TBC1D2: variants seen among roughly 807,000 people sequenced by gnomAD.
The protein encoded by TBC1D2 is TBC1 domain family member 2A.
TBC1D2 carries 58 observed loss-of-function variants against 91.1 expected under a neutral mutation model. The ratio of observed to expected loss-of-function variants is 0.64; its 90% CI spans 0.52 to 0.79. The LOEUF is 0.79. TBC1D2 is among the 30% of genes least tolerant of loss of function. The pLI is 0.00. For synonymous variants in TBC1D2, 482 were observed against 511.5 expected, an observed-to-expected ratio of 0.94 and a Z score of 0.78; for missense variants, 1,080 against 1,208.3, an observed-to-expected ratio of 0.89 and a Z score of 1.57.
At chr9:98,214,530 T>A (rs113220338) in intron 6 of TBC1D2, among the ~76,000 whole-genome samples, 2,345 of 46,670 alleles carry the variant, frequency 0.05, 99 homozygotes, top group East Asian at 0.1. Context: ...GCAGCAAGGA[T>A]GACTCCGACG....
rs1378403350 is a variant in TBC1D2, at chr9:98,229,045, A to G, written c.885T>C (p.Ser295=). The G allele has an allele frequency of 1.2e-6, 2 of 1,614,106 alleles. No homozygotes were observed. Among genetic ancestry groups the G allele is most frequent in the Non-Finnish European group, 1.7e-6 (2 of 1,180,054 alleles). Residue 295 remains serine, a synonymous_variant, in exon 5 of 13, where the codon TCT becomes TCC. Coordinates refer to ENST00000465784, the MANE Select transcript of TBC1D2 (RefSeq NM_001267571.2). ...KRQNNTFPFF[S]EGITRNRTAQ... Reference sequence around the variant, plus strand: ...CAGTTCGGTTCCGTGTGATTCCTTCAGAAAAGAATGGGAAGGTGTTGTTCT... The same window carrying G: ...CAGTTCGGTTCCGTGTGATTCCTTCGGAAAAGAATGGGAAGGTGTTGTTCT...
chr9:98,231,279 C>CT (rs35195996), intron 4 of TBC1D2, among the ~76,000 whole-genome samples: 7,333 of 76,566 alleles, frequency 0.096, 400 homozygotes, highest in East Asian at 0.16. Flanking sequence ...CTCAACTCTG[C>CT]TTTTTTTTTT....
intron 12 of TBC1D2, 103 bp from the exon 13 acceptor site, chr9:98,199,691 C>T: frequency 8.0e-7 from 1 of 1,250,996 alleles, no homozygotes; most frequent in Non-Finnish European, 1.2e-6. Context: ...GCCTTTGTGG[C>T]TGAGCCCTGA....
intron 6 of TBC1D2, 189 bp from the exon 7 acceptor site, chr9:98,213,407 A>T: frequency 7.1e-7 from 1 of 1,405,886 alleles, no homozygotes; most frequent in Admixed American, 2.9e-5. Context: ...TGTCAGCATG[A>T]TGTGGTAAAG....
intron 6 of TBC1D2, among the ~76,000 whole-genome samples, chr9:98,219,487 C>G (rs1208086818): frequency 2.6e-5 from 4 of 152,170 alleles, no homozygotes; most frequent in African/African-American, 4.8e-5. Context: ...TGAGGATACA[C>G]TCTGAGAAAT....
chr9:98,233,498 A>C lies in TBC1D2; in HGVS notation c.699T>G (p.His233Gln). ...GTGGAGAATCTTCCCCTGGAGGTTC[A>C]TGGCCTGTTCCCTGGGCCTGCTTGT... ...RGNKQAQGTG[H>Q]EPPGEDSPQS... The change falls in exon 4 of 13, where the codon CAT becomes CAG. Residue 233 changes from histidine to glutamine, a missense_variant. Transcript: ENST00000465784. 3 of 1,614,184 alleles carry C rather than the reference A, an allele frequency of 1.9e-6. No individual in the cohort carries two copies. Among genetic ancestry groups the C allele is most frequent in the Non-Finnish European group, 2.5e-6 (3 of 1,180,014 alleles).
At chr9:98,200,003 A>G (rs1006803935) in intron 12 of TBC1D2, among the ~76,000 whole-genome samples, 1 of 152,206 alleles carries the variant, frequency 6.6e-6, no homozygotes, top group Non-Finnish European at 1.5e-5. Context: ...GTTTTCCAGG[A>G]TCACTGGCCA....
chr9:98,214,947 G>T (rs1318239127), intron 6 of TBC1D2, among the ~76,000 whole-genome samples: 2 of 152,158 alleles, frequency 1.3e-5, no homozygotes, highest in Non-Finnish European at 2.9e-5. Flanking sequence ...CTCCCTCGCT[G>T]TGCCAAGGCT....
At chr9:98,215,075 C>A (rs1458478261) in intron 6 of TBC1D2, among the ~76,000 whole-genome samples, 2 of 152,216 alleles carry the variant, frequency 1.3e-5, no homozygotes, top group Non-Finnish European at 2.9e-5. Context: ...AGATAAAAAA[C>A]CAGCTTCACT....
chr9:98,222,693 G>C (rs779568378), intron 5 of TBC1D2, among the ~76,000 whole-genome samples: 1 of 152,228 alleles, frequency 6.6e-6, no homozygotes, highest in African/African-American at 2.4e-5. Context: ...AGGTAGGTAT[G>C]ACTTTCAGGC....
Position 98,208,758 on chromosome 9 carries a change from G to A in TBC1D2, c.2060C>T (p.Pro687Leu). The A allele has an allele frequency of 1.3e-6, 2 of 1,571,436 alleles. No individual in the cohort carries two copies. The highest frequency in any genetic ancestry group is 8.7e-7 in the Non-Finnish European group (1 of 1,154,348). The stretch of plus-strand genomic sequence containing the variant: ...GAGCTTGTCGGGGAAGCTGGAGGTG[G>A]GGCAGGTGAAGTGTTTGTTGTTGGG... The part of the protein sequence containing the change: ...TFPNNKHFTC[P>L]TSSFPDKLRR... The change falls in exon 9 of 13, where the codon CCC (proline) becomes CTC (leucine). Residue 687 changes from proline (P) to leucine (L), a missense_variant. Physicochemically the swap from Pro to Leu is moderately conservative, Grantham distance 98 (BLOSUM62 -3). Transcript: ENST00000465784.
At position 98,221,244 on chromosome 9, in the gene TBC1D2, G is replaced by A; in HGVS notation, c.979-16C>T. The A allele has an allele frequency of 6.6e-7, 1 of 1,520,432 alleles. No homozygotes were observed. Among genetic ancestry groups the A allele is most frequent in the Non-Finnish European group, 8.9e-7 (1 of 1,128,972 alleles). The allele number at this position is 1,520,432 out of a possible 1,614,324, so 94.2% of individuals were successfully genotyped here. On this transcript the variant is annotated splice_polypyrimidine_tract_variant and intron_variant, in intron 5 of 12. Coordinates refer to ENST00000465784, the MANE Select transcript of TBC1D2 (RefSeq NM_001267571.2). ...TCACTAGCTCCTGGGCAGGGAGAGG[G>A]AAGAATCTTGTGAGCTCAGGGAGGG...
Position 98,255,462 on chromosome 9 carries a change from AC to A in TBC1D2, c.79del (p.Val27CysfsTer26). Reference sequence around the variant, plus strand: ...CCCCGATTCTTCCTCCGGAGGCGGCACCTGTGGATCCCTGGCAGACTCTTCG... The same window carrying A: ...CCCCGATTCTTCCTCCGGAGGCGGCACTGTGGATCCCTGGCAGACTCTTCG... The part of the protein sequence containing the change: ...GSEESARDPQ[V>X]PPPEEESGDC... On this transcript the variant is annotated frameshift_variant, in exon 1 of 13. Transcript: ENST00000465784. LOFTEE classifies it high-confidence loss of function. 6.3e-7 allele frequency: 1 copy of A among 1,594,112 alleles called. No homozygotes were observed. Among genetic ancestry groups the A allele is most frequent in the Non-Finnish European group, 8.6e-7 (1 of 1,168,396 alleles).
At chr9:98,224,203 A>AAAAG (rs1829170691) in intron 5 of TBC1D2, among the ~76,000 whole-genome samples, 1 of 131,502 alleles carries the variant, frequency 7.6e-6, no homozygotes, top group African/African-American at 3.2e-5. Flanking sequence ...TCTCAAAAAA[A>AAAAG]AAAAAAAGAA....
At chr9:98,245,815 G>A (rs750460689) in intron 2 of TBC1D2, among the ~76,000 whole-genome samples, 3 of 152,010 alleles carry the variant, frequency 2.0e-5, no homozygotes, top group Non-Finnish European at 4.4e-5. Flanking sequence ...AAAAACACAC[G>A]CAAATATTAG....
At chr9:98,200,475 G>T (rs1426164540) in intron 11 of TBC1D2, 101 bp from the exon 12 acceptor site, 1 of 1,170,652 alleles carries the variant, frequency 8.5e-7, no homozygotes, top group Non-Finnish European at 1.2e-6. Flanking sequence ...GAAGACCCTG[G>T]ACTGGCTGCG....
intron 1 of TBC1D2, among the ~76,000 whole-genome samples, chr9:98,254,603 G>T (rs896195001): frequency 6.6e-6 from 1 of 152,128 alleles, no homozygotes; most frequent in African/African-American, 2.4e-5. Context: ...CCTACCCCTT[G>T]CTGCTGATAG....
chr9:98,232,294 A>G (rs1397430808), intron 4 of TBC1D2, among the ~76,000 whole-genome samples: 1 of 148,694 alleles, frequency 6.7e-6, no homozygotes, highest in African/African-American at 2.5e-5. Context: ...TCTGCCAGGC[A>G]CTGACTGCTC....
At chr9:98,240,944 T>C (rs1829623253) in intron 3 of TBC1D2, among the ~76,000 whole-genome samples, 1 of 152,162 alleles carries the variant, frequency 6.6e-6, no homozygotes, top group Non-Finnish European at 1.5e-5. Flanking sequence ...CTGGCCAGCA[T>C]GGGAGTGGTG....
Sources: allele counts gnomAD v4.1 joint callset (sites outside exome capture counted in the v4.1 genomes callset), GRCh38; gene constraint gnomAD v4.1.1; transcripts MANE v1.5; gene names NCBI Gene and HGNC (gene_info 2026-07-23, HGNC 2026-07-21).